The following ADAM2 variants were observed in gnomAD, a reference collection of about 807,000 sequenced individuals.
ADAM2 encodes ADAM metallopeptidase domain 2.
Under a neutral mutation model 99.3 loss-of-function variants are expected in ADAM2, and 101 were observed. The ratio of observed to expected loss-of-function variants is 1.02; its 90% CI spans 0.87 to 1.20. ADAM2 has a LOEUF of 1.20. Ranked by LOEUF, ADAM2 falls within the 50% of genes most tolerant of loss-of-function variation. The pLI is 0.00. For synonymous variants in ADAM2, 323 were observed against 287.6 expected, an observed-to-expected ratio of 1.12 and a Z score of -1.25; for missense variants, 948 against 878.7, an observed-to-expected ratio of 1.08 and a Z score of -1.00.
chr8:39,758,541 A>G (rs1025916935), intron 15 of ADAM2, among the ~76,000 whole-genome samples: 1 of 151,956 alleles, frequency 6.6e-6, no homozygotes, highest in African/African-American at 2.4e-5. Context: ...TAAAAACATT[A>G]AAAAATAAAA....
intron 7 of ADAM2, among the ~76,000 whole-genome samples, chr8:39,800,024 C>G (rs1269180065): frequency 6.6e-6 from 1 of 152,168 alleles, no homozygotes; most frequent in African/African-American, 2.4e-5. Flanking sequence ...AGCTCATTTA[C>G]ACTTAAGATT....
chr8:39,795,561 C>T (rs1243268280), intron 7 of ADAM2, among the ~76,000 whole-genome samples: 2 of 152,056 alleles, frequency 1.3e-5, no homozygotes, highest in African/African-American at 2.4e-5. Context: ...CTGGAAGAAC[C>T]TGCTTCAATT....
rs758281470 is a variant in ADAM2, at chr8:39,821,181, C to T, written c.345-11G>A. On this transcript the variant is annotated splice_polypyrimidine_tract_variant and intron_variant, in intron 5 of 20. Coordinates refer to ENST00000265708, the MANE Select transcript of ADAM2 (RefSeq NM_001464.5). ...AACTGTAGTACGCCCCTAAAAATTT[C>T]AAAAAAAAATTAATAAGTAAAACAA... 4.7e-6 allele frequency: 7 copies of T among 1,505,186 alleles called. No individual in the cohort carries two copies. In the South Asian group the frequency reaches 9.2e-5, roughly 20 times the overall value. 93.2% of individuals were successfully genotyped at this position (1,505,186 alleles called of 1,614,324 possible). A position where few individuals can be genotyped will look rare whatever the true frequency, so the allele number is the denominator to read the frequency against.
At chr8:39,812,585 C>A (rs1804751694) in intron 6 of ADAM2, among the ~76,000 whole-genome samples, 1 of 152,138 alleles carries the variant, frequency 6.6e-6, no homozygotes, top group Non-Finnish European at 1.5e-5. Context: ...GAGATATAGA[C>A]CAATGGAACA....
intron 7 of ADAM2, among the ~76,000 whole-genome samples, chr8:39,794,649 C>T (rs930346106): frequency 2.9e-4 from 44 of 152,008 alleles, no homozygotes; most frequent in African/African-American, 1.0e-3. Context: ...AATCCCTATC[C>T]TGTTTTGTTC....
At chr8:39,771,843 G>T (rs182486373) in intron 11 of ADAM2, among the ~76,000 whole-genome samples, 1 of 152,086 alleles carries the variant, frequency 6.6e-6, no homozygotes, top group East Asian at 1.9e-4. Flanking sequence ...TAATATTACT[G>T]AGAACCAGGC....
At chr8:39,787,341 A>G (rs187396471) in intron 9 of ADAM2, among the ~76,000 whole-genome samples, 3 of 151,624 alleles carry the variant, frequency 2.0e-5, no homozygotes, top group Admixed American at 2.0e-4. Flanking sequence ...AAATAATAAA[A>G]ATAAATAAAA....
intron 11 of ADAM2, among the ~76,000 whole-genome samples, chr8:39,769,854 T>G (rs1476967443): frequency 6.6e-6 from 1 of 152,186 alleles, no homozygotes; most frequent in Non-Finnish European, 1.5e-5. Flanking sequence ...AAGTGCCCCA[T>G]GCTGTTTCAT....
chr8:39,794,104 G>T (rs1803837192), intron 7 of ADAM2, among the ~76,000 whole-genome samples: 1 of 152,164 alleles, frequency 6.6e-6, no homozygotes, highest in Admixed American at 6.6e-5. Context: ...TGAGTTTTGT[G>T]TGTTACTGTA....
chr8:39,777,553 G>T (rs532657296), intron 10 of ADAM2, among the ~76,000 whole-genome samples: 10 of 151,958 alleles, frequency 6.6e-5, no homozygotes, highest in African/African-American at 2.4e-4. Context: ...ACAAAGTGGG[G>T]GATAAAGAGG....
intron 3 of ADAM2, among the ~76,000 whole-genome samples, chr8:39,827,749 T>C (rs1451423576): frequency 2.0e-5 from 3 of 152,040 alleles, no homozygotes; most frequent in Admixed American, 6.5e-5. Context: ...TGGGAGATGA[T>C]GGTTAAAGAG....
intron 10 of ADAM2, among the ~76,000 whole-genome samples, chr8:39,778,041 A>T (rs973729017): frequency 1.4e-5 from 2 of 147,916 alleles, no homozygotes; most frequent in Non-Finnish European, 3.0e-5. Context: ...TATAATTTAT[A>T]TATTAATTAT....
In ADAM2 at chr8:39,837,179, G is replaced by A. The variant is rs768627777; in HGVS notation, c.89C>T (p.Pro30Leu). 1.9e-6 allele frequency: 3 copies of A among 1,610,032 alleles called. No homozygotes were observed. Among genetic ancestry groups the A allele is most frequent in the South Asian group, 2.2e-5 (2 of 90,456 alleles). The change falls in exon 2 of 21, where the codon CCG becomes CTG. Residue 30 changes from proline to leucine, a missense_variant. By Grantham distance (98) the Pro-to-Leu change is moderately conservative (BLOSUM62 -3). Transcript: ENST00000265708. The part of the protein sequence containing the change: ...FDSLPVQITV[P>L]EKIRSIIKEG... The stretch of plus-strand genomic sequence containing the variant: ...CTTTATTATTGACCGTATTTTCTCC[G>A]GAACTGTAATTTGCACAGGTAAACT...
chr8:39,836,220 T>C (rs182534936), intron 2 of ADAM2, among the ~76,000 whole-genome samples: 34 of 151,930 alleles, frequency 2.2e-4, no homozygotes, highest in Non-Finnish European at 4.1e-4. Flanking sequence ...TTTTTACTTA[T>C]TGCAAATAAC....
intron 7 of ADAM2, among the ~76,000 whole-genome samples, chr8:39,794,031 A>T (rs186853856): frequency 2.0e-5 from 3 of 152,174 alleles, no homozygotes; most frequent in Non-Finnish European, 2.9e-5. Flanking sequence ...TGGGTGAATA[A>T]TCTTGTTCCA....
Position 39,827,716 on chromosome 8 carries a change from T to G in ADAM2, c.189-2819A>C, listed in dbSNP as rs1805466249. On this transcript the variant is annotated intron_variant, in intron 3 of 20. Coordinates refer to ENST00000265708, the MANE Select transcript of ADAM2 (RefSeq NM_001464.5). Reference sequence around the variant, plus strand: ...AGAAGCAGAGAGTAGAATGATGGTTTTTAGGGGCTGAGAGTGGGAAAATGG... The same window carrying G: ...AGAAGCAGAGAGTAGAATGATGGTTGTTAGGGGCTGAGAGTGGGAAAATGG... 2.6e-5 allele frequency among the ~76,000 whole-genome samples: 4 copies of G among 151,992 alleles called. No homozygotes were observed. The South Asian group carries it at 8.3e-4, about 32-fold the overall frequency.
intron 6 of ADAM2, among the ~76,000 whole-genome samples, chr8:39,816,466 C>T (rs1804946211): frequency 6.6e-6 from 1 of 152,012 alleles, no homozygotes; most frequent in South Asian, 2.1e-4. Flanking sequence ...TAGTAATTAC[C>T]TAGAGAAATA....
Position 39,767,181 on chromosome 8 carries a change from GCA to G in ADAM2, c.1281_1282del (p.Ala428Ter). ...ACAGTTTTCGCAGCATGGTCCTTCA[GCA>G]CAGTTTGAACCGGCTTTAAATCTAC... On this transcript the variant is annotated frameshift_variant, in exon 13 of 21. Coordinates refer to ENST00000265708, the MANE Select transcript of ADAM2 (RefSeq NM_001464.5). LOFTEE classifies it high-confidence loss of function. 1 of 1,608,404 alleles carries G rather than the reference GCA, an allele frequency of 6.2e-7. No individual in the cohort carries two copies. Among genetic ancestry groups the G allele is most frequent in the Non-Finnish European group, 8.5e-7 (1 of 1,178,876 alleles).
chr8:39,747,665 C>T (rs551423261), intron 18 of ADAM2, among the ~76,000 whole-genome samples: 13 of 152,246 alleles, frequency 8.5e-5, no homozygotes, highest in African/African-American at 3.1e-4. Context: ...ATTAGTTTTA[C>T]TTTCAAACCA....
Sources: gnomAD v4.1 joint callset for allele counts (sites outside exome capture counted in the v4.1 genomes callset) on GRCh38, gnomAD v4.1.1 for gene constraint, MANE v1.5 for transcripts, NCBI Gene and HGNC (gene_info 2026-07-23, HGNC 2026-07-21) for gene names.